Variants in UNC79 observed in about 807,000 individuals in gnomAD.
UNC79 encodes protein unc-79 homolog.
A neutral mutation model predicts 283.1 loss-of-function variants in UNC79; 37 were observed. That is an observed-to-expected ratio of 0.13 (90% CI 0.10 to 0.17). The LOEUF (loss-of-function observed/expected upper bound fraction) is 0.17, where lower values mean the gene tolerates loss of function less well. Among genes scored for constraint, UNC79 ranks in the 10% least tolerant of loss-of-function variants. UNC79 has a pLI of 1.00. For missense variants in UNC79, 2,272 were observed against 3,211.1 expected, an observed-to-expected ratio of 0.71 and a Z score of 7.07; for synonymous variants, 1,107 against 1,200.2, an observed-to-expected ratio of 0.92 and a Z score of 1.61.
chr14:93,529,466 A>G, intron 10 of UNC79, 140 bp downstream of exon 10: 1 of 846,332 alleles, frequency 1.2e-6, no homozygotes, highest in Non-Finnish European at 1.8e-6. Flanking sequence ...GATATGAAGC[A>G]TAATATCAAT....
At chr14:93,607,670 T>C (rs1421124660) in intron 26 of UNC79, among the ~76,000 whole-genome samples, 4 of 152,184 alleles carry the variant, frequency 2.6e-5, no homozygotes, top group Admixed American at 6.5e-5. Context: ...GGTCCAGAGC[T>C]ATCCCCATCT....
intron 40 of UNC79, among the ~76,000 whole-genome samples, chr14:93,664,115 TTGA>T (rs2071902095): frequency 6.6e-6 from 1 of 152,176 alleles, no homozygotes; most frequent in Admixed American, 6.5e-5. Flanking sequence ...AAAGCTTTAG[TTGA>T]TGGTGTTCCT....
chr14:93,467,592 A>ATTACAAGATG, intron 1 of UNC79, 79 bp from the exon 2 acceptor site: 1 of 1,213,228 alleles, frequency 8.2e-7, no homozygotes, highest in African/African-American at 2.0e-5. Flanking sequence ...CCTAATACAT[A>ATTACAAGATG]TTACAAGATG....
intron 23 of UNC79, among the ~76,000 whole-genome samples, chr14:93,594,727 G>A (rs2064941691): frequency 6.6e-6 from 1 of 151,972 alleles, no homozygotes; most frequent in African/African-American, 2.4e-5. Flanking sequence ...ACCTGGGAGG[G>A]TTCTCTTAGC....
intron 14 of UNC79, among the ~76,000 whole-genome samples, chr14:93,559,534 G>A (rs2062411325): frequency 6.6e-6 from 1 of 152,104 alleles, no homozygotes; most frequent in African/African-American, 2.4e-5. Flanking sequence ...TAGGATTTGG[G>A]TAGGTAGTGG....
chr14:93,593,892 G>T, intron 23 of UNC79, 55 bp downstream of exon 23: 1 of 1,477,042 alleles, frequency 6.8e-7, no homozygotes, highest in Non-Finnish European at 9.0e-7. Flanking sequence ...ACGGGTGTCT[G>T]GTCACGGCAT....
intron 1 of UNC79, among the ~76,000 whole-genome samples, chr14:93,384,955 A>G (rs2054739187): frequency 6.6e-6 from 1 of 152,124 alleles, no homozygotes; most frequent in Non-Finnish European, 1.5e-5. Flanking sequence ...TCCCCAATGT[A>G]TGTTCTTGGC....
intron 1 of UNC79, among the ~76,000 whole-genome samples, chr14:93,339,233 C>T (rs2053647222): frequency 6.6e-6 from 1 of 152,192 alleles, no homozygotes; most frequent in Non-Finnish European, 1.5e-5. Flanking sequence ...CCTTTACTAT[C>T]AGCCCTCACC....
intron 12 of UNC79, among the ~76,000 whole-genome samples, chr14:93,540,411 T>G (rs17129095): frequency 0.028 from 4,224 of 152,212 alleles, 216 homozygotes; most frequent in African/African-American, 0.097. Context: ...TTGGAGGAAC[T>G]AGCCTCTTTG....
chr14:93,497,301 G>A lies in UNC79; in HGVS notation c.898+15G>A, dbSNP rs201688529. The A allele has an allele frequency of 6.2e-7, 1 of 1,605,924 alleles. No individual in the cohort carries two copies. Among genetic ancestry groups the A allele is most frequent in the Non-Finnish European group, 8.5e-7 (1 of 1,178,856 alleles). ...GCAGTACACAGGTAAGAGGAGAGGA[G>A]CCCTGTGATGCCCCATCTGTATTTC... is the stretch of plus-strand genomic sequence containing the variant. On this transcript the variant is annotated intron_variant, in intron 7 of 48. Coordinates refer to ENST00000555664, the Ensembl canonical transcript of UNC79.
intron 1 of UNC79, 28 bp from the exon 2 acceptor site, chr14:93,467,643 T>C: frequency 9.5e-7 from 1 of 1,048,114 alleles, no homozygotes; most frequent in Non-Finnish European, 1.2e-6. Context: ...TTTTTTTTTT[T>C]TTTTTTTTTT....
chr14:93,361,255 AAGAAG>A (rs3059743), intron 1 of UNC79, among the ~76,000 whole-genome samples: 56,418 of 118,192 alleles, frequency 0.48, 15,425 homozygotes, highest in Admixed American at 0.55. Context: ...AAGAAAAGAA[AAGAAG>A]GAGGCACAAC....
chr14:93,666,016 A>T (rs2072162889), intron 40 of UNC79, among the ~76,000 whole-genome samples: 1 of 151,992 alleles, frequency 6.6e-6, no homozygotes, highest in Admixed American at 6.6e-5. Context: ...GCATAAAAAC[A>T]AAATGACAAT....
chr14:93,550,991 G>T (rs2061863816), intron 14 of UNC79, among the ~76,000 whole-genome samples: 1 of 152,010 alleles, frequency 6.6e-6, no homozygotes, highest in Non-Finnish European at 1.5e-5. Flanking sequence ...TCCCCGAGCT[G>T]GTTCCCCAAA....
Position 93,688,560 on chromosome 14 carries a change from AGTGGCGATAAGCGGG to A in UNC79, c.6910-100_6910-86del. The stretch of plus-strand genomic sequence containing the variant: ...AAGTTTAAGCAGGTTGTTTGCTCAG[AGTGGCGATAAGCGGG>A]GTGGAAATGACAACCTCTTCTTTTC... On this transcript the variant is annotated intron_variant, in intron 43 of 48. Transcript: ENST00000555664. This position sits in a 1 kb window ranked among gnomAD's most constrained non-coding sequence, Gnocchi z 4.0. 7.7e-7 allele frequency: 1 copy of A among 1,306,226 alleles called. No homozygotes were observed. Among genetic ancestry groups the A allele is most frequent in the South Asian group, 1.5e-5 (1 of 68,904 alleles). 80.9% of individuals were successfully genotyped at this position (1,306,226 alleles called of 1,614,324 possible). A position where few individuals can be genotyped will look rare whatever the true frequency, so the allele number is the denominator to read the frequency against.
At chr14:93,397,925 T>C (rs2055031290) in intron 1 of UNC79, among the ~76,000 whole-genome samples, 1 of 152,164 alleles carries the variant, frequency 6.6e-6, no homozygotes, top group Non-Finnish European at 1.5e-5. Context: ...AATTTTGTTC[T>C]TAACAAGATG....
chr14:93,519,996 CTCTT>C (rs1416399772), intron 7 of UNC79, among the ~76,000 whole-genome samples: 3 of 151,936 alleles, frequency 2.0e-5, no homozygotes, highest in Non-Finnish European at 4.4e-5. Context: ...ATGTCCAACA[CTCTT>C]TATGCCTTTG....
chr14:93,573,841 C>CA (rs1287516962), intron 16 of UNC79, among the ~76,000 whole-genome samples: 1 of 152,088 alleles, frequency 6.6e-6, no homozygotes, highest in Non-Finnish European at 1.5e-5. Flanking sequence ...CCCGTCTCTA[C>CA]AAAAAATACA....
intron 20 of UNC79, among the ~76,000 whole-genome samples, chr14:93,582,587 C>T (rs962602623): frequency 1.3e-5 from 2 of 152,166 alleles, no homozygotes; most frequent in East Asian, 1.9e-4. Context: ...AAACTCATCG[C>T]CTCCCTACTT....
Sources: gnomAD v4.1 joint callset for allele counts (sites outside exome capture counted in the v4.1 genomes callset) on GRCh38, gnomAD v4.1.1 for gene constraint, Gnocchi (gnomAD v3.1) non-coding constraint, MANE v1.5 for transcripts, NCBI Gene and HGNC (gene_info 2026-07-23, HGNC 2026-07-21) for gene names.